The following SUGCT variants were observed in gnomAD, a reference collection of about 807,000 sequenced individuals.
SUGCT encodes succinyl-CoA:glutarate-CoA transferase.
SUGCT carries 41 observed loss-of-function variants against 55.0 expected under a neutral mutation model. The ratio of observed to expected loss-of-function variants is 0.74; its 90% CI spans 0.58 to 0.97. The LOEUF is 0.97. Among genes scored for constraint, SUGCT ranks in the 50% least tolerant of loss-of-function variants. The pLI, the probability that SUGCT is intolerant of heterozygous loss-of-function variation, is 0.00. For synonymous variants in SUGCT, 187 were observed against 200.4 expected (o/e 0.93, Z 0.56); for missense variants, 568 against 547.8 (o/e 1.04, Z -0.37).
At chr7:40,633,071 C>T (rs540081324) in intron 12 of SUGCT, among the ~76,000 whole-genome samples, 1 of 152,178 alleles carries the variant, frequency 6.6e-6, no homozygotes, top group South Asian at 2.1e-4. Context: ...AAAACTATGA[C>T]AGAGAGAGAG....
chr7:40,247,790 T>C (rs1463547338), intron 7 of SUGCT, among the ~76,000 whole-genome samples: 1 of 152,204 alleles, frequency 6.6e-6, no homozygotes, highest in Non-Finnish European at 1.5e-5. Flanking sequence ...GTGAGATGTA[T>C]ACATTGCTGA....
At chr7:40,626,257 TTC>T (rs1437145814) in intron 12 of SUGCT, among the ~76,000 whole-genome samples, 5 of 152,066 alleles carry the variant, frequency 3.3e-5, no homozygotes, top group Non-Finnish European at 1.5e-5. Context: ...TTTCTTTCTT[TTC>T]TCTCTTTTTT....
intron 9 of SUGCT, among the ~76,000 whole-genome samples, chr7:40,358,168 A>G (rs919747926): frequency 6.6e-6 from 1 of 152,222 alleles, no homozygotes; most frequent in African/African-American, 2.4e-5. Flanking sequence ...CCTACACAAT[A>G]TGTGGGAGCT....
intron 10 of SUGCT, among the ~76,000 whole-genome samples, chr7:40,451,430 C>G (rs1411826465): frequency 6.6e-6 from 1 of 152,040 alleles, no homozygotes; most frequent in East Asian, 1.9e-4. Context: ...GAATATTTGC[C>G]AGAAGTTTTA....
the SUGCT span, among the ~76,000 whole-genome samples, chr7:40,929,754 T>C: frequency 6.6e-6 from 1 of 152,326 alleles, no homozygotes; most frequent in South Asian, 2.1e-4. Flanking sequence ...CTTCACCCAC[T>C]TTTTGATGAG....
At chr7:40,922,769 A>C in the SUGCT span, among the ~76,000 whole-genome samples, 14 of 152,174 alleles carry the variant, frequency 9.2e-5, no homozygotes, top group Non-Finnish European at 2.1e-4. Context: ...TGGTGAGTGG[A>C]GTTTTACCTT....
intron 13 of SUGCT, among the ~76,000 whole-genome samples, chr7:40,765,531 G>C (rs1019078989): frequency 6.6e-6 from 1 of 151,038 alleles, no homozygotes; most frequent in East Asian, 1.9e-4. Context: ...AAAAAATAAC[G>C]AACTATTATA....
chr7:40,929,551 G>C, the SUGCT span, among the ~76,000 whole-genome samples: 1 of 152,186 alleles, frequency 6.6e-6, no homozygotes, highest in Non-Finnish European at 1.5e-5. Flanking sequence ...CAGTGTAAAA[G>C]TGTCACTATT....
At chr7:40,472,043 A>G (rs532302455) in intron 11 of SUGCT, among the ~76,000 whole-genome samples, 1 of 152,254 alleles carries the variant, frequency 6.6e-6, no homozygotes, top group East Asian at 1.9e-4. Flanking sequence ...ATAAAAATGA[A>G]TAATAATTAG....
intron 6 of SUGCT, among the ~76,000 whole-genome samples, chr7:40,225,433 T>G (rs1437509463): frequency 2.7e-5 from 4 of 147,758 alleles, no homozygotes; most frequent in Non-Finnish European, 6.0e-5. Flanking sequence ...GAATAATATA[T>G]GATTTTTTTT....
chr7:40,934,855 T>C, the SUGCT span, among the ~76,000 whole-genome samples: 1 of 151,972 alleles, frequency 6.6e-6, no homozygotes, highest in East Asian at 1.9e-4. Context: ...TCACAGCATC[T>C]CTTGGAAAGG....
At chr7:40,897,423 C>G in the SUGCT span, among the ~76,000 whole-genome samples, 1 of 74,964 alleles carries the variant, frequency 1.3e-5, no homozygotes, top group Non-Finnish European at 2.5e-5. Context: ...CTCAATAAAG[C>G]TGGACACACA....
intron 9 of SUGCT, among the ~76,000 whole-genome samples, chr7:40,422,836 A>G (rs1787385039): frequency 6.6e-6 from 1 of 151,186 alleles, no homozygotes; most frequent in Admixed American, 6.6e-5. Flanking sequence ...AAAAAAAACC[A>G]CCAACTCCCT....
In SUGCT at chr7:40,174,969, G is replaced by A. The variant is rs181218778; in HGVS notation, c.101-5978G>A. 4.1e-4 allele frequency among the ~76,000 whole-genome samples: 63 copies of A among 152,100 alleles called. 1 individual carries two copies. The highest frequency in any genetic ancestry group is 1.4e-3 in the Admixed American group (22 of 15,274). On this transcript the variant is annotated intron_variant, in intron 1 of 13. Coordinates refer to ENST00000335693, the MANE Select transcript of SUGCT (RefSeq NM_001193313.2). ...ATGTGGTGAGAAAAAAAATTTTATT[G>A]TGATAATATTCATCTTTTTTATTTT...
intron 12 of SUGCT, among the ~76,000 whole-genome samples, chr7:40,727,060 G>A (rs1030384589): frequency 6.6e-6 from 1 of 152,196 alleles, no homozygotes; most frequent in Non-Finnish European, 1.5e-5. Flanking sequence ...TAATATATTA[G>A]TAGTCATGCT....
intron 13 of SUGCT, among the ~76,000 whole-genome samples, chr7:40,772,384 C>G (rs186161886): frequency 1.1e-3 from 170 of 152,172 alleles, no homozygotes; most frequent in African/African-American, 3.8e-3. Context: ...AGACAGAGTT[C>G]CATGTTTGAG....
chr7:40,555,332 A>G (rs1795505444), intron 12 of SUGCT, among the ~76,000 whole-genome samples: 1 of 150,088 alleles, frequency 6.7e-6, no homozygotes, highest in South Asian at 2.1e-4. Context: ...ATTAGGCCTC[A>G]TGGAATTCTG....
chr7:40,947,708 A>G, the SUGCT span, among the ~76,000 whole-genome samples: 30 of 152,280 alleles, frequency 2.0e-4, no homozygotes, highest in African/African-American at 7.0e-4. Flanking sequence ...ATTCTTTGTC[A>G]TGTTTACACA....
chr7:40,675,343 G>C (rs1783917336), intron 12 of SUGCT, among the ~76,000 whole-genome samples: 3 of 152,198 alleles, frequency 2.0e-5, no homozygotes, highest in African/African-American at 7.2e-5. Flanking sequence ...ACAGGCGTGA[G>C]TCACCACGCC....
Sources: gnomAD v4.1 joint callset for allele counts (sites outside exome capture counted in the v4.1 genomes callset) on GRCh38, gnomAD v4.1.1 for gene constraint, MANE v1.5 for transcripts, NCBI Gene and HGNC (gene_info 2026-07-23, HGNC 2026-07-21) for gene names.